Variants in SH3GL3 observed in about 807,000 individuals in gnomAD.
The protein encoded by SH3GL3 is SH3 domain containing GRB2 like 3, endophilin A3.
Under a neutral mutation model 47.7 loss-of-function variants are expected in SH3GL3, and 33 were observed. The observed-to-expected ratio is 0.69, with a 90% CI of 0.52 to 0.92. SH3GL3 has a LOEUF of 0.92. Among genes scored for constraint, SH3GL3 ranks in the 40% least tolerant of loss-of-function variants. The pLI, the probability that SH3GL3 is intolerant of heterozygous loss-of-function variation, is 0.00. For synonymous variants in SH3GL3, 155 were observed against 148.8 expected (o/e 1.04, Z -0.30); for missense variants, 363 against 417.8 (o/e 0.87, Z 1.14).
chr15:83,590,292 T>C (rs925580782), intron 8 of SH3GL3, among the ~76,000 whole-genome samples: 1 of 152,192 alleles, frequency 6.6e-6, no homozygotes, highest in Non-Finnish European at 1.5e-5. Context: ...GCTTTTATTT[T>C]GATGTAGTCA....
At chr15:83,491,418 T>C (rs1270444400) in intron 1 of SH3GL3, among the ~76,000 whole-genome samples, 3 of 152,374 alleles carry the variant, frequency 2.0e-5, no homozygotes, top group African/African-American at 7.2e-5. Context: ...GCTTTCTTTT[T>C]TTGCCTGCAC....
chr15:83,498,304 C>G (rs1390449598), intron 1 of SH3GL3, among the ~76,000 whole-genome samples: 1 of 152,206 alleles, frequency 6.6e-6, no homozygotes, highest in African/African-American at 2.4e-5. Flanking sequence ...TCAATCCTGA[C>G]TCCTCTCTTG....
chr15:83,604,107 T>C (rs1238993530), intron 8 of SH3GL3, among the ~76,000 whole-genome samples: 1 of 151,838 alleles, frequency 6.6e-6, no homozygotes, highest in African/African-American at 2.4e-5. Flanking sequence ...GATCGCACCA[T>C]TGCACTCCAG....
chr15:83,502,501 C>T (rs2042337107), intron 1 of SH3GL3, among the ~76,000 whole-genome samples: 1 of 152,174 alleles, frequency 6.6e-6, no homozygotes, highest in South Asian at 2.1e-4. Context: ...TTGGAGGTAC[C>T]TTATATATGC....
chr15:83,490,956 G>T, intron 1 of SH3GL3: 1 of 1,612,218 alleles, frequency 6.2e-7, no homozygotes. Context: ...CAGTAAACTT[G>T]GAAAAGCCAT....
intron 1 of SH3GL3, among the ~76,000 whole-genome samples, chr15:83,521,846 C>T (rs2043219216): frequency 6.6e-6 from 1 of 152,078 alleles, no homozygotes. Context: ...GCAGTGTTTG[C>T]TTATGTGTTG....
chr15:83,574,722 C>G (rs973687074), intron 5 of SH3GL3, among the ~76,000 whole-genome samples: 1 of 152,172 alleles, frequency 6.6e-6, no homozygotes, highest in Non-Finnish European at 1.5e-5. Context: ...GCCACCCCTT[C>G]CCCACATGAA....
At chr15:83,563,007 T>C (rs2045360461) in intron 2 of SH3GL3, among the ~76,000 whole-genome samples, 1 of 152,202 alleles carries the variant, frequency 6.6e-6, no homozygotes, top group African/African-American at 2.4e-5. Context: ...TGTACTGTCT[T>C]TTAAAACTTT....
At chr15:83,497,862 C>T (rs2042143212) in intron 1 of SH3GL3, among the ~76,000 whole-genome samples, 1 of 152,160 alleles carries the variant, frequency 6.6e-6, no homozygotes, top group African/African-American at 2.4e-5. Context: ...GGATTTTGAC[C>T]ATCTCCTTCT....
At chr15:83,588,816 A>T in intron 8 of SH3GL3, 45 bp downstream of exon 8, 2 of 958,768 alleles carry the variant, frequency 2.1e-6, no homozygotes, top group Non-Finnish European at 3.4e-6. Flanking sequence ...TTAGTAAAGC[A>T]CTTCTAGAAA....
chr15:83,550,226 A>G (rs2044593946), intron 1 of SH3GL3, among the ~76,000 whole-genome samples: 1 of 152,168 alleles, frequency 6.6e-6, no homozygotes. Context: ...GAACCTTTCA[A>G]AAGGGTGACA....
chr15:83,515,191 C>T (rs1206802123), intron 1 of SH3GL3, among the ~76,000 whole-genome samples: 1 of 152,130 alleles, frequency 6.6e-6, no homozygotes, highest in Non-Finnish European at 1.5e-5. Flanking sequence ...GGAAGCAAAT[C>T]TACTGGGTGA....
chr15:83,552,076 A>ATT (rs2044696649), intron 1 of SH3GL3, among the ~76,000 whole-genome samples: 3 of 152,082 alleles, frequency 2.0e-5, no homozygotes, highest in Admixed American at 6.5e-5. Flanking sequence ...CTGCATCTCT[A>ATT]TTACAGAATA....
intron 1 of SH3GL3, among the ~76,000 whole-genome samples, chr15:83,521,715 C>G (rs1200572459): frequency 2.0e-5 from 3 of 152,094 alleles, no homozygotes; most frequent in African/African-American, 7.2e-5. Flanking sequence ...AAGCAGCAAA[C>G]CGTTCAGATT....
At chr15:83,449,550 C>T (rs1008084042) in intron 1 of SH3GL3, among the ~76,000 whole-genome samples, 2 of 152,168 alleles carry the variant, frequency 1.3e-5, no homozygotes, top group African/African-American at 2.4e-5. Context: ...ATAACGTAAG[C>T]CCTTGGGTGA....
Position 83,588,703 on chromosome 15 carries a change from C to T in SH3GL3, c.770C>T (p.Pro257Leu). ...ASSVPRREYK[P>L]RPVKRSSSEL... ...AGTGTCCCCAGACGAGAATACAAGC[C>T]AAGGCCTGTGAAAAGGAGTTCTAGT... The change falls in exon 8 of 9, where the codon CCA (proline) becomes CTA (leucine). Residue 257 changes from proline to leucine, a missense_variant. Coordinates refer to ENST00000427482, the MANE Select transcript of SH3GL3 (RefSeq NM_003027.5). The T allele has an allele frequency of 1.2e-6, 2 of 1,613,080 alleles. No homozygotes were observed. The highest frequency in any genetic ancestry group is 1.7e-6 in the Non-Finnish European group (2 of 1,179,022).
downstream of SH3GL3, among the ~76,000 whole-genome samples, chr15:83,621,977 C>T (rs1288516249): frequency 7.3e-6 from 1 of 137,384 alleles, no homozygotes; most frequent in African/African-American, 2.9e-5. Context: ...CTCCAGCCAG[C>T]TATACACACA....
intron 8 of SH3GL3, among the ~76,000 whole-genome samples, chr15:83,593,380 G>A (rs1161940875): frequency 6.6e-6 from 1 of 152,108 alleles, no homozygotes; most frequent in East Asian, 1.9e-4. Flanking sequence ...TCTCTCAGCA[G>A]TGTTTCACTA....
chr15:83,608,774 T>A (rs576789865), intron 8 of SH3GL3, among the ~76,000 whole-genome samples: 13 of 131,688 alleles, frequency 9.9e-5, no homozygotes, highest in Non-Finnish European at 1.9e-4. Flanking sequence ...TGGTAGGAGA[T>A]GAACTGTCTA....
Sources: gnomAD v4.1 joint callset for allele counts (sites outside exome capture counted in the v4.1 genomes callset) on GRCh38, gnomAD v4.1.1 for gene constraint, MANE v1.5 for transcripts, NCBI Gene and HGNC (gene_info 2026-07-23, HGNC 2026-07-21) for gene names.